SMIM23: variants seen among roughly 807,000 people sequenced by gnomAD.
SMIM23 encodes the protein small integral membrane protein 23.
In SMIM23, 10 loss-of-function variants were observed where a neutral mutation model predicts 12.8. That is an observed-to-expected ratio of 0.78 (90% CI 0.48 to 1.32). The LOEUF is 1.32. Ranked by LOEUF, SMIM23 falls within the 40% of genes most tolerant of loss-of-function variation. The probability of loss-of-function intolerance (pLI) is 0.00; values close to 1 mark genes in which losing one functional copy is unlikely to be tolerated. For missense variants in SMIM23, 184 were observed against 198.2 expected (o/e 0.93, Z 0.43); for synonymous variants, 78 against 80.1 (o/e 0.97, Z 0.14).
intron 3 of SMIM23, 62 bp downstream of exon 3, chr5:171,790,611 C>T (rs1755905139): frequency 1.4e-6 from 2 of 1,462,402 alleles, no homozygotes; most frequent in African/African-American, 2.8e-5. Context: ...GAGGAGGTGT[C>T]ATTGGCAACA....
chr5:171,774,847 C>T, the SMIM23 span: 1 of 346,814 alleles, frequency 2.9e-6, no homozygotes, highest in Non-Finnish European at 5.7e-6. Flanking sequence ...TGGGCCGTGT[C>T]TACAGGCCCA....
chr5:171,787,618 A>G (rs1480423167), intron 1 of SMIM23, among the ~76,000 whole-genome samples: 1 of 152,248 alleles, frequency 6.6e-6, no homozygotes, highest in African/African-American at 2.4e-5. Flanking sequence ...TGTGTCTTCC[A>G]TGAAAAGATT....
At chr5:171,774,706 T>C in the SMIM23 span, 1 of 422,068 alleles carries the variant, frequency 2.4e-6, no homozygotes, top group Middle Eastern at 3.4e-4. Context: ...AAGAGTTTCA[T>C]GGTGTTCCTT....
At chr5:171,775,792 G>A in the SMIM23 span, among the ~76,000 whole-genome samples, 3 of 152,196 alleles carry the variant, frequency 2.0e-5, no homozygotes, top group South Asian at 2.1e-4. Flanking sequence ...GGAAGCCCAC[G>A]TTATCATCGC....
chr5:171,790,423 A>G, intron 2 of SMIM23, 59 bp from the exon 3 acceptor site: 2 of 1,525,308 alleles, frequency 1.3e-6, no homozygotes, highest in Non-Finnish European at 1.8e-6. Flanking sequence ...ATAACTAACC[A>G]TGTTTATTTC....
the SMIM23 span, among the ~76,000 whole-genome samples, chr5:171,775,868 A>ATTTTG: frequency 0.21 from 31,755 of 151,412 alleles, 4,860 homozygotes; most frequent in African/African-American, 0.43. Flanking sequence ...CACGTATTTC[A>ATTTTG]TTTTGTTTTG....
At chr5:171,781,597 T>C (rs1433766595), upstream of SMIM23, among the ~76,000 whole-genome samples, 1 of 151,660 alleles carries the variant, frequency 6.6e-6, no homozygotes, top group Non-Finnish European at 1.5e-5. Context: ...TGTGTGTCCG[T>C]GTCCTAAACT....
At chr5:171,779,049 C>T (rs1266745026), upstream of SMIM23, among the ~76,000 whole-genome samples, 2 of 152,154 alleles carry the variant, frequency 1.3e-5, no homozygotes, top group Non-Finnish European at 2.9e-5. Context: ...AGGGCTGTTT[C>T]GAGGATTAGG....
upstream of SMIM23, among the ~76,000 whole-genome samples, chr5:171,783,761 G>C (rs702073): frequency 0.011 from 1,687 of 152,304 alleles, 34 homozygotes; most frequent in African/African-American, 0.038. Flanking sequence ...AAGTTGAAAA[G>C]ATAAGCCACA....
intron 1 of SMIM23, among the ~76,000 whole-genome samples, chr5:171,787,935 A>T (rs1000934591): frequency 1.1e-4 from 16 of 149,894 alleles, no homozygotes; most frequent in East Asian, 1.9e-4. Context: ...GCTATGTAAC[A>T]TTTTTTTTTT....
chr5:171,788,575 G>A (rs1755862044), intron 1 of SMIM23, among the ~76,000 whole-genome samples: 1 of 152,068 alleles, frequency 6.6e-6, no homozygotes, highest in Non-Finnish European at 1.5e-5. Flanking sequence ...GGTAATATTA[G>A]GAACAATTTG....
upstream of SMIM23, among the ~76,000 whole-genome samples, chr5:171,780,728 T>C (rs763677223): frequency 7.2e-5 from 11 of 152,126 alleles, no homozygotes; most frequent in Non-Finnish European, 1.2e-4. Context: ...ATCAAGATGA[T>C]GCAAATGGCC....
chr5:171,782,571 C>T (rs59939371), upstream of SMIM23: 40,785 of 152,070 alleles, frequency 0.27, 5,805 homozygotes, highest in East Asian at 0.41. Flanking sequence ...CCACTAATTC[C>T]GATACCCTTC....
the SMIM23 span, chr5:171,774,068 AAG>A: frequency 2.8e-6 from 1 of 356,546 alleles, no homozygotes; most frequent in South Asian, 2.2e-5. Context: ...TTGTCTGACA[AAG>A]AGAAAAAAAA....
At chr5:171,785,999 C>G (rs1218932819) in intron 1 of SMIM23, 23 bp downstream of exon 1, 89 of 1,519,532 alleles carry the variant, frequency 5.9e-5, no homozygotes, top group Non-Finnish European at 7.8e-5. Flanking sequence ...CAGGTACATG[C>G]TGCTTTCCTC....
upstream of SMIM23, among the ~76,000 whole-genome samples, chr5:171,785,281 C>A (rs2113648017): frequency 6.6e-6 from 1 of 152,298 alleles, no homozygotes; most frequent in South Asian, 2.1e-4. Context: ...CAGGATATTA[C>A]TGTACCACTG....
In SMIM23 at chr5:171,790,852, TG is replaced by T. The variant is rs1459122758; in HGVS notation, c.285del (p.Trp95CysfsTer2). 1 of 1,536,014 alleles carries T rather than the reference TG, an allele frequency of 6.5e-7. No individual in the cohort carries two copies. On this transcript the variant is annotated frameshift_variant, in exon 4 of 4. Transcript: ENST00000523047. LOFTEE classifies it low-confidence loss of function (END_TRUNC). The stretch of plus-strand genomic sequence containing the variant: ...AGAACCGATAAAGACCATCAGGAAC[TG>T]GCTGAAGGAGAAGTTGCATGTCTTC... ...SEEPIKTIRN[W>X]LKEKLHVFSE...
At chr5:171,789,562 C>T (rs944647166) in intron 1 of SMIM23, among the ~76,000 whole-genome samples, 1 of 152,144 alleles carries the variant, frequency 6.6e-6, no homozygotes, top group African/African-American at 2.4e-5. Flanking sequence ...GTGCAATATT[C>T]TATGTTCATA....
At chr5:171,776,059 C>T in the SMIM23 span, among the ~76,000 whole-genome samples, 6 of 152,072 alleles carry the variant, frequency 3.9e-5, no homozygotes, top group Non-Finnish European at 5.9e-5. Context: ...TTAGTAGATA[C>T]GGGGTTTCGC....
Sources: allele counts gnomAD v4.1 joint callset (sites outside exome capture counted in the v4.1 genomes callset), GRCh38; gene constraint gnomAD v4.1.1; transcripts MANE v1.5; gene names NCBI Gene and HGNC (gene_info 2026-07-23, HGNC 2026-07-21).